The following PTPRC variants were observed in gnomAD, a reference collection of about 807,000 sequenced individuals.
PTPRC encodes receptor-type tyrosine-protein phosphatase C.
A neutral mutation model predicts 155.9 loss-of-function variants in PTPRC; 44 were observed. The ratio of observed to expected loss-of-function variants is 0.28; its 90% CI spans 0.22 to 0.36. The LOEUF is 0.36. Ranked by LOEUF, PTPRC falls within the 10% of genes least tolerant of loss-of-function variation. The pLI, the probability that PTPRC is intolerant of heterozygous loss-of-function variation, is 1.00. For missense variants in PTPRC, 1,401 were observed against 1,564.6 expected, an observed-to-expected ratio of 0.90 and a Z score of 1.76; for synonymous variants, 525 against 533.1, an observed-to-expected ratio of 0.98 and a Z score of 0.21.
intron 23 of PTPRC, among the ~76,000 whole-genome samples, chr1:198,739,430 T>C (rs542274961): frequency 2.1e-3 from 319 of 151,132 alleles, no homozygotes; most frequent in African/African-American, 7.1e-3. Flanking sequence ...GGAGTACCTA[T>C]ACTTATATAA....
chr1:198,729,832 T>C (rs1190125811), intron 17 of PTPRC, among the ~76,000 whole-genome samples: 3 of 152,088 alleles, frequency 2.0e-5, no homozygotes, highest in East Asian at 1.9e-4. Context: ...GATAGAAAAC[T>C]GTGTGCAAGG....
rs758362738 is a variant in PTPRC, at chr1:198,702,470, C to T, written c.523C>T (p.His175Tyr). Residue 175 changes from histidine (H) to tyrosine (Y), a missense_variant, in exon 6 of 33, where the codon CAC (histidine) becomes TAC (tyrosine). Physicochemically the swap from His to Tyr is moderately conservative, Grantham distance 83. This residue lies in a region of PTPRC where 867 missense variants were observed against 970.4 expected (regional missense o/e 0.89). Transcript: ENST00000442510. ...PLTTTLSLAH[H>Y]SSAALPARTS... The stretch of plus-strand genomic sequence containing the variant: ...GACAACCACCCTCAGCCTTGCACAC[C>T]ACAGCTCTGCTGCCTTACCTGCACG... The T allele has an allele frequency of 2.5e-6, 4 of 1,614,162 alleles. No homozygotes were observed. Among genetic ancestry groups the T allele is most frequent in the Middle Eastern group, 1.7e-4 (1 of 6,060 alleles).
chr1:198,710,007 C>T (rs188837351), intron 11 of PTPRC, among the ~76,000 whole-genome samples, 183 bp downstream of exon 11: 6 of 152,180 alleles, frequency 3.9e-5, no homozygotes, highest in Admixed American at 1.3e-4. Context: ...TTTTTGGTGT[C>T]GTATATGAAA....
chr1:198,692,398 A>T (rs778674429), intron 3 of PTPRC, 25 bp downstream of exon 3: 2 of 1,380,018 alleles, frequency 1.4e-6, no homozygotes, highest in South Asian at 3.5e-5. Flanking sequence ...TTATATTTTT[A>T]CTAATTTTAT....
chr1:198,752,859 T>C, intron 31 of PTPRC, 87 bp downstream of exon 31: 1 of 1,432,972 alleles, frequency 7.0e-7, no homozygotes, highest in Non-Finnish European at 9.7e-7. Context: ...TATCCTCATA[T>C]ATGAAACACA....
At chr1:198,738,345 G>C (rs1025053199) in intron 23 of PTPRC, among the ~76,000 whole-genome samples, 16 of 151,432 alleles carry the variant, frequency 1.1e-4, no homozygotes, top group Admixed American at 6.6e-4. Context: ...GTTTTTTGAG[G>C]TTTCTTATTA....
chr1:198,708,041 A>C, intron 9 of PTPRC, 92 bp from the exon 10 acceptor site: 1 of 1,210,124 alleles, frequency 8.3e-7, no homozygotes. Context: ...GCATAATTTC[A>C]GTGGCTTTAA....
intron 2 of PTPRC, among the ~76,000 whole-genome samples, chr1:198,664,263 A>C (rs1425224973): frequency 3.3e-5 from 5 of 152,204 alleles, no homozygotes; most frequent in Non-Finnish European, 7.3e-5. Flanking sequence ...CTATACAAAA[A>C]TGGGAAAATA....
At chr1:198,648,920 T>G (rs963303454) in intron 2 of PTPRC, among the ~76,000 whole-genome samples, 1 of 151,804 alleles carries the variant, frequency 6.6e-6, no homozygotes, top group Non-Finnish European at 1.5e-5. Flanking sequence ...ATCTAGATTT[T>G]TTTTTGTTTT....
rs566997538 is a variant in PTPRC at position 198,642,666 on chromosome 1, T to C, written c.73+3325T>C. Among the ~76,000 whole-genome samples, 67 of 152,144 alleles carry C rather than the reference T, an allele frequency of 4.4e-4. No individual in the cohort carries two copies. In the Middle Eastern group the frequency reaches 0.017, roughly 39 times the overall value. Reference sequence around the variant, plus strand: ...CCTCCATTGCCATCATCTTAATTCATGGCTTTATTATTTCTCACCTGTAAA... The same window carrying C: ...CCTCCATTGCCATCATCTTAATTCACGGCTTTATTATTTCTCACCTGTAAA... On this transcript the variant is annotated intron_variant, in intron 2 of 32. Transcript: ENST00000442510.
At chr1:198,650,382 A>G (rs746334484) in intron 2 of PTPRC, among the ~76,000 whole-genome samples, 7 of 151,824 alleles carry the variant, frequency 4.6e-5, no homozygotes, top group African/African-American at 7.3e-5. Context: ...ACTGAATGGG[A>G]GGATGGAGAA....
intron 2 of PTPRC, among the ~76,000 whole-genome samples, chr1:198,690,890 A>G (rs1665887470): frequency 6.6e-6 from 1 of 152,132 alleles, no homozygotes; most frequent in Non-Finnish European, 1.5e-5. Flanking sequence ...CATCATGCCA[A>G]GAAAGCTGCT....
In PTPRC at chr1:198,713,008, A is replaced by G; in HGVS notation, c.1227A>G (p.Val409=). 1.2e-6 allele frequency: 2 copies of G among 1,613,850 alleles called. No individual in the cohort carries two copies. The highest frequency in any genetic ancestry group is 2.2e-5 in the South Asian group (2 of 91,080). Residue 409 remains valine (V), a synonymous_variant, in exon 12 of 33, where the codon GTA becomes GTG. Transcript: ENST00000442510. ...FCRSEAAHQG[V]ITWNPPQRSF... ...GAAGTGAAGCTGCACATCAAGGAGT[A>G]ATTACCTGGAATCCCCCTCAAAGAT...
intron 2 of PTPRC, among the ~76,000 whole-genome samples, chr1:198,675,667 A>G (rs1664912114): frequency 6.6e-6 from 1 of 152,178 alleles, no homozygotes; most frequent in Admixed American, 6.5e-5. Context: ...GACTATTTTT[A>G]TATCTCTGTA....
At chr1:198,669,369 A>G (rs530983004) in intron 2 of PTPRC, among the ~76,000 whole-genome samples, 6 of 152,152 alleles carry the variant, frequency 3.9e-5, no homozygotes, top group African/African-American at 1.4e-4. Context: ...CCTGCACCCA[A>G]TGTCCTCCTT....
At chr1:198,642,362 A>ATCTG (rs1172716674) in intron 2 of PTPRC, among the ~76,000 whole-genome samples, 2 of 133,888 alleles carry the variant, frequency 1.5e-5, no homozygotes, top group Admixed American at 7.6e-5. Flanking sequence ...TAGTCAATCT[A>ATCTG]TCTATCTGTC....
At chr1:198,739,853 A>T (rs889705997) in intron 23 of PTPRC, among the ~76,000 whole-genome samples, 11 of 147,398 alleles carry the variant, frequency 7.5e-5, no homozygotes, top group African/African-American at 2.9e-4. Context: ...TTACAAAATT[A>T]AAAAAAAATT....
At chr1:198,655,106 A>G (rs1387424224) in intron 2 of PTPRC, among the ~76,000 whole-genome samples, 3 of 151,922 alleles carry the variant, frequency 2.0e-5, no homozygotes, top group South Asian at 2.1e-4. Flanking sequence ...AACAAATAAG[A>G]ATACCTTTTA....
intron 27 of PTPRC, 82 bp downstream of exon 27, chr1:198,748,281 A>C: frequency 6.7e-7 from 1 of 1,494,570 alleles, no homozygotes; most frequent in Non-Finnish European, 8.9e-7. Context: ...ACACAGTCAT[A>C]TAAATTATCT....
Sources: gnomAD v4.1 joint callset for allele counts (sites outside exome capture counted in the v4.1 genomes callset) on GRCh38, gnomAD v4.1.1 for gene constraint, gnomAD v4.1.1 regional missense constraint, MANE v1.5 for transcripts, NCBI Gene and HGNC (gene_info 2026-07-23, HGNC 2026-07-21) for gene names.